The following WDR12 variants were observed in gnomAD, a reference collection of about 807,000 sequenced individuals.
WDR12 encodes the protein ribosome biogenesis protein WDR12.
In WDR12, 42 loss-of-function variants were observed where a neutral mutation model predicts 64.3. The observed-to-expected ratio is 0.65, with a 90% confidence interval of 0.51 to 0.84. The LOEUF (loss-of-function observed/expected upper bound fraction) is 0.84. Ranked by LOEUF, WDR12 falls within the 40% of genes least tolerant of loss-of-function variation. WDR12 has a pLI of 0.00. For synonymous variants in WDR12, 158 were observed against 173.3 expected, an observed-to-expected ratio of 0.91 and a Z score of 0.70; for missense variants, 469 against 494.6, an observed-to-expected ratio of 0.95 and a Z score of 0.49.
intron 4 of WDR12, among the ~76,000 whole-genome samples, chr2:202,897,910 T>TAA (rs1688279902): frequency 9.3e-6 from 1 of 106,988 alleles, no homozygotes; most frequent in Non-Finnish European, 1.9e-5. Flanking sequence ...AAAAAAAAAA[T>TAA]ATATATATAT....
chr2:202,896,601 GA>G (rs1177110509), intron 5 of WDR12, among the ~76,000 whole-genome samples: 1 of 152,190 alleles, frequency 6.6e-6, no homozygotes, highest in Non-Finnish European at 1.5e-5. Flanking sequence ...TGAGGCAGGA[GA>G]ATCACTTGAA....
chr2:202,911,426 GCTTA>G lies in WDR12; in HGVS notation c.41+6_41+9del, dbSNP rs1559167113. ...TGGGGAAGGGAGAGAAGGCTGGAAC[GCTTA>G]CTTACTTCTTGTTATCAGTGTAGAA... On this transcript the variant is annotated splice_donor_region_variant and intron_variant, in intron 1 of 12. Coordinates refer to ENST00000261015, the MANE Select transcript of WDR12 (RefSeq NM_018256.4). 5.6e-6 allele frequency: 9 copies of G among 1,613,812 alleles called. No individual in the cohort carries two copies. Among genetic ancestry groups the G allele is most frequent in the East Asian group, 2.2e-5 (1 of 44,888 alleles).
chr2:202,893,008 C>T lies in WDR12; in HGVS notation c.656-306G>A, dbSNP rs146445239. On this transcript the variant is annotated intron_variant, in intron 7 of 12. Coordinates refer to ENST00000261015, the MANE Select transcript of WDR12 (RefSeq NM_018256.4). The stretch of plus-strand genomic sequence containing the variant: ...ATTTTATCATAGCTATGAAAAATTG[C>T]TTACTGTTAGTTGTAGGAGAGTTAT... Among the ~76,000 whole-genome samples the T allele has an allele frequency of 5.7e-3, 864 of 152,058 alleles. 10 individuals are homozygous for T. The highest frequency in any genetic ancestry group is 0.019 in the African/African-American group (808 of 41,498).
chr2:202,910,265 GTAA>G (rs1688544878), intron 1 of WDR12, among the ~76,000 whole-genome samples: 1 of 152,156 alleles, frequency 6.6e-6, no homozygotes, highest in Non-Finnish European at 1.5e-5. Context: ...GGTCATGCCT[GTAA>G]TTCCAGGACT....
At chr2:202,889,943 G>A (rs1389548493) in intron 8 of WDR12, among the ~76,000 whole-genome samples, 1 of 151,802 alleles carries the variant, frequency 6.6e-6, no homozygotes, top group Non-Finnish European at 1.5e-5. Flanking sequence ...TAGCCTGAGC[G>A]TATTGGCTCA....
chr2:202,874,418 G>A lies in WDR12; in HGVS notation c.*6442C>T, dbSNP rs1025925454. ...CTAGACAAGAACATTAGATGACTTG[G>A]AATGTAGGGCTCCACAAATGGGATC... On this transcript the variant is annotated 3_prime_UTR_variant, in exon 13 of 13. Coordinates refer to ENST00000261015, the MANE Select transcript of WDR12 (RefSeq NM_018256.4). Among the ~76,000 whole-genome samples, 6 of 152,146 alleles carry A rather than the reference G, an allele frequency of 3.9e-5. No individual in the cohort carries two copies. Among genetic ancestry groups the A allele is most frequent in the African/African-American group, 1.2e-4 (5 of 41,432 alleles).
intron 2 of WDR12, among the ~76,000 whole-genome samples, chr2:202,904,878 A>G (rs1457266974): frequency 6.6e-6 from 1 of 152,216 alleles, no homozygotes; most frequent in Non-Finnish European, 1.5e-5. Context: ...CAAAGTGAAG[A>G]GACAACCCAC....
intron 5 of WDR12, 129 bp from the exon 6 acceptor site, chr2:202,896,348 GC>G: frequency 9.6e-7 from 1 of 1,045,106 alleles, no homozygotes; most frequent in Non-Finnish European, 1.3e-6. Context: ...AACTCATATG[GC>G]CAGGTTTTAA....
chr2:202,906,047 G>A (rs1368478573), intron 2 of WDR12, among the ~76,000 whole-genome samples: 2 of 152,114 alleles, frequency 1.3e-5, no homozygotes, highest in Non-Finnish European at 2.9e-5. Context: ...TAACACAAAG[G>A]ATAAATGCTT....
Position 202,892,787 on chromosome 2 carries a change from T to C in WDR12, c.656-85A>G, listed in dbSNP as rs1032397302. 8.1e-6 allele frequency: 8 copies of C among 987,410 alleles called. No individual in the cohort carries two copies. The Admixed American group carries it at 1.1e-4, about 14-fold the overall frequency. The allele number at this position is 987,410 out of a possible 1,614,324, so 61.2% of individuals were successfully genotyped here. Reference sequence around the variant, plus strand: ...AAAGAATTCTTTACATTTCCAGATATAGTTTTTCCACGTTATCACACAGTT... The same window carrying C: ...AAAGAATTCTTTACATTTCCAGATACAGTTTTTCCACGTTATCACACAGTT... On this transcript the variant is annotated intron_variant, in intron 7 of 12. Coordinates refer to ENST00000261015, the MANE Select transcript of WDR12 (RefSeq NM_018256.4).
rs1688633798 is a variant in WDR12 at position 202,911,320 on chromosome 2, C to G, written c.41+116G>C. The G allele has an allele frequency of 3.2e-5, 32 of 1,009,210 alleles. No individual in the cohort carries two copies. In the South Asian group the frequency reaches 4.1e-4, roughly 13 times the overall value. The allele number at this position is 1,009,210 out of a possible 1,614,324, so 62.5% of individuals were successfully genotyped here. ...CGAAGCTGGTTAGAAAGCAGGTAAT[C>G]TCAGAAAAAAGGGTGGGGGTGACAG... is the stretch of plus-strand genomic sequence containing the variant. On this transcript the variant is annotated intron_variant, in intron 1 of 12. Transcript: ENST00000261015.
At chr2:202,887,180 C>G (rs903051545) in intron 8 of WDR12, among the ~76,000 whole-genome samples, 4 of 152,112 alleles carry the variant, frequency 2.6e-5, no homozygotes, top group Non-Finnish European at 5.9e-5. Context: ...CGTGCCACCA[C>G]GCCTGGCTAA....
intron 4 of WDR12, among the ~76,000 whole-genome samples, chr2:202,899,045 T>G (rs944900318): frequency 1.5e-5 from 2 of 131,124 alleles, no homozygotes; most frequent in African/African-American, 2.9e-5. Flanking sequence ...TTTTTTTTTT[T>G]TTTTTTTTTT....
At chr2:202,887,061 A>G (rs993854459) in intron 8 of WDR12, among the ~76,000 whole-genome samples, 15 of 152,208 alleles carry the variant, frequency 9.9e-5, no homozygotes, top group Admixed American at 7.9e-4. Flanking sequence ...AGCTTCACTC[A>G]TCGCCCAGGC....
intron 8 of WDR12, among the ~76,000 whole-genome samples, chr2:202,891,237 T>C (rs1299472007): frequency 6.6e-6 from 1 of 152,134 alleles, no homozygotes; most frequent in Non-Finnish European, 1.5e-5. Context: ...AGTGGTGCAA[T>C]CTTGGCTCAC....
In WDR12 at chr2:202,897,417, T is replaced by C; in HGVS notation, c.339-2A>G. 2 of 1,511,724 alleles carry C rather than the reference T, an allele frequency of 1.3e-6. No individual in the cohort carries two copies. The highest frequency in any genetic ancestry group is 1.4e-5 in the African/African-American group (1 of 69,596). 93.6% of individuals were successfully genotyped at this position (1,511,724 alleles called of 1,614,324 possible). The stretch of plus-strand genomic sequence containing the variant: ...TTATCATAAGAACCAGTCAAGATCC[T>C]ATGAGAAAAAAAAATCTTATGAAAC... On this transcript the variant is annotated splice_acceptor_variant, in intron 4 of 12. Transcript: ENST00000261015. LOFTEE classifies it high-confidence loss of function.
At chr2:202,905,714 T>C (rs1338746037) in intron 2 of WDR12, among the ~76,000 whole-genome samples, 1 of 152,222 alleles carries the variant, frequency 6.6e-6, no homozygotes, top group Non-Finnish European at 1.5e-5. Context: ...TCCTGTCATT[T>C]ACAACAACAT....
intron 2 of WDR12, among the ~76,000 whole-genome samples, chr2:202,901,881 G>A (rs1247023020): frequency 6.6e-6 from 1 of 152,028 alleles, no homozygotes; most frequent in Non-Finnish European, 1.5e-5. Context: ...AATATTCACA[G>A]GCAGTATTGT....
intron 8 of WDR12, among the ~76,000 whole-genome samples, chr2:202,886,152 TAAAA>T (rs573306527): frequency 7.6e-6 from 1 of 131,912 alleles, no homozygotes; most frequent in African/African-American, 2.9e-5. Flanking sequence ...ATCTTGTCTC[TAAAA>T]AAAAAAAAAA....
Sources: gnomAD v4.1 joint callset for allele counts (sites outside exome capture counted in the v4.1 genomes callset) on GRCh38, gnomAD v4.1.1 for gene constraint, MANE v1.5 for transcripts, NCBI Gene and HGNC (gene_info 2026-07-23, HGNC 2026-07-21) for gene names.